The following TRAPPC13 variants were observed in gnomAD, a reference collection of about 807,000 sequenced individuals.
TRAPPC13 encodes the protein trafficking protein particle complex subunit 13, also known as REV7-interacting novel NHEJ regulator 1.
A neutral mutation model predicts 54.0 loss-of-function variants in TRAPPC13; 39 were observed. The ratio of observed to expected loss-of-function variants is 0.72; its 90% CI spans 0.56 to 0.94. The LOEUF is 0.94. Ranked by LOEUF, TRAPPC13 falls within the 40% of genes least tolerant of loss-of-function variation. TRAPPC13 has a pLI of 0.00. For missense variants in TRAPPC13, 386 were observed against 488.1 expected, an observed-to-expected ratio of 0.79 and a Z score of 1.97; for synonymous variants, 148 against 167.7, an observed-to-expected ratio of 0.88 and a Z score of 0.91.
At chr5:65,647,825 A>G (rs1415981125) in intron 5 of TRAPPC13, among the ~76,000 whole-genome samples, 1 of 151,928 alleles carries the variant, frequency 6.6e-6, no homozygotes, top group Non-Finnish European at 1.5e-5. Flanking sequence ...CTTCATCTCT[A>G]CTTTACCACT....
chr5:65,634,205 T>C lies in TRAPPC13; in HGVS notation c.47-1096T>C, dbSNP rs1174235216. 3.9e-5 allele frequency among the ~76,000 whole-genome samples: 6 copies of C among 152,220 alleles called. No individual in the cohort carries two copies. The South Asian group carries it at 6.2e-4, about 16-fold the overall frequency. On this transcript the variant is annotated intron_variant, in intron 1 of 12. Transcript: ENST00000399438. ...TTTCACCGTGTTAGCCAGGATAGTC[T>C]CAATCTCTTGACCTCGTGATCCGCC...
At chr5:65,662,179 C>A in intron 11 of TRAPPC13, 29 bp downstream of exon 11, 1 of 1,459,800 alleles carries the variant, frequency 6.9e-7, no homozygotes, top group Non-Finnish European at 9.4e-7. Context: ...GATGGATGTC[C>A]TTTCTACCTC....
In TRAPPC13 at chr5:65,664,926, C is replaced by T; in HGVS notation, c.*315C>T. The T allele has an allele frequency of 3.0e-6, 1 of 336,606 alleles. No individual in the cohort carries two copies. The highest frequency in any genetic ancestry group is 5.5e-6 in the Non-Finnish European group (1 of 183,098). The allele number at this position is 336,606 out of a possible 1,614,324, so 20.9% of individuals were successfully genotyped here. A position where few individuals can be genotyped will look rare whatever the true frequency, so the allele number is the denominator to read the frequency against. On this transcript the variant is annotated 3_prime_UTR_variant, in exon 13 of 13. Coordinates refer to ENST00000399438, the MANE Select transcript of TRAPPC13 (RefSeq NM_024941.4). Reference sequence around the variant, plus strand: ...CTAGCAAGTTATCTAGAACACGAGTCAGCACACTTTTTATGTAAGGTACAA... The same window carrying T: ...CTAGCAAGTTATCTAGAACACGAGTTAGCACACTTTTTATGTAAGGTACAA...
intron 1 of TRAPPC13, among the ~76,000 whole-genome samples, chr5:65,633,976 C>T (rs566104985): frequency 1.3e-4 from 14 of 110,218 alleles, no homozygotes; most frequent in African/African-American, 4.9e-4. Flanking sequence ...TCTCTCCCAG[C>T]GTTTTTTTTT....
chr5:65,651,872 T>G (rs1409966979), intron 6 of TRAPPC13, among the ~76,000 whole-genome samples: 1 of 63,942 alleles, frequency 1.6e-5, no homozygotes, highest in Admixed American at 1.5e-4. Flanking sequence ...TTTTTTTTTT[T>G]TTTTTTTTGA....
intron 4 of TRAPPC13, among the ~76,000 whole-genome samples, chr5:65,641,318 T>G (rs1445451602): frequency 6.6e-6 from 1 of 152,028 alleles, no homozygotes. Flanking sequence ...TTTGTGTGAG[T>G]GTTGTCTTTT....
chr5:65,653,405 C>G (rs1177259643), intron 7 of TRAPPC13, among the ~76,000 whole-genome samples: 2 of 152,000 alleles, frequency 1.3e-5, no homozygotes, highest in African/African-American at 4.8e-5. Flanking sequence ...TTATTTTTAC[C>G]ATCCACAATC....
intron 8 of TRAPPC13, among the ~76,000 whole-genome samples, chr5:65,657,042 A>G (rs938313630): frequency 1.3e-5 from 2 of 151,148 alleles, no homozygotes; most frequent in Non-Finnish European, 2.9e-5. Flanking sequence ...TTGCCACTGC[A>G]TTCTACTCTG....
intron 1 of TRAPPC13, among the ~76,000 whole-genome samples, chr5:65,634,145 C>CCAGCTAATTT (rs78714568): frequency 0.073 from 11,070 of 151,896 alleles, 408 homozygotes; most frequent in East Asian, 0.098. Context: ...GCCACCACGC[C>CCAGCTAATTT]CAGCTAATTT....
chr5:65,655,785 A>T, intron 8 of TRAPPC13, 132 bp downstream of exon 8: 1 of 297,236 alleles, frequency 3.4e-6, no homozygotes, highest in East Asian at 5.8e-5. Context: ...GTGACTTCAG[A>T]AAGATTATAT....
At chr5:65,664,027 G>GT (rs1756935127) in intron 11 of TRAPPC13, 10 of 519,162 alleles carry the variant, frequency 1.9e-5, no homozygotes, top group Non-Finnish European at 2.7e-5. Context: ...ATTAGTCTGA[G>GT]GCTATTTTAA....
At chr5:65,633,115 C>T (rs775178890) in intron 1 of TRAPPC13, among the ~76,000 whole-genome samples, 7 of 152,146 alleles carry the variant, frequency 4.6e-5, no homozygotes, top group Non-Finnish European at 7.4e-5. Context: ...AAAAAGATGA[C>T]ATTTAAGCTG....
At chr5:65,625,187 A>T (rs1477224203) in intron 1 of TRAPPC13, 81 bp downstream of exon 1, 1 of 1,207,036 alleles carries the variant, frequency 8.3e-7, no homozygotes, top group Non-Finnish European at 1.2e-6. Context: ...TGTAGGCCTC[A>T]TCCTTCTTAA....
chr5:65,649,006 AG>A (rs1396383599), intron 5 of TRAPPC13, among the ~76,000 whole-genome samples: 1 of 152,122 alleles, frequency 6.6e-6, no homozygotes, highest in Non-Finnish European at 1.5e-5. Flanking sequence ...GCTTGAGCTC[AG>A]GAGCTCAAGA....
chr5:65,637,610 G>C (rs1755798386), intron 3 of TRAPPC13, 86 bp from the exon 4 acceptor site: 1 of 687,444 alleles, frequency 1.5e-6, no homozygotes. Flanking sequence ...CAGCCTGGGT[G>C]ACAGAGCGAG....
chr5:65,639,071 G>C (rs1228700736), intron 4 of TRAPPC13, among the ~76,000 whole-genome samples: 1 of 152,122 alleles, frequency 6.6e-6, no homozygotes, highest in African/African-American at 2.4e-5. Flanking sequence ...CTGGGTGACA[G>C]AGTAATACTC....
chr5:65,637,379 C>T (rs1426597566), intron 3 of TRAPPC13, among the ~76,000 whole-genome samples: 1 of 152,142 alleles, frequency 6.6e-6, no homozygotes, highest in Non-Finnish European at 1.5e-5. Flanking sequence ...CGCCTGTAAT[C>T]CCAGCACTTT....
At chr5:65,630,168 A>G in intron 1 of TRAPPC13, 1 of 1,536,050 alleles carries the variant, frequency 6.5e-7, no homozygotes, top group East Asian at 2.4e-5. Flanking sequence ...ATTATTAGGC[A>G]CAATGAACTT....
At position 65,664,859 on chromosome 5, in the gene TRAPPC13, G is replaced by T; in HGVS notation, c.*248G>T. 4.3e-6 allele frequency: 2 copies of T among 463,468 alleles called. No individual in the cohort carries two copies. The highest frequency in any genetic ancestry group is 8.7e-5 in the East Asian group (2 of 22,868). 28.7% of individuals were successfully genotyped at this position (463,468 alleles called of 1,614,324 possible). ...TTCATTTCATTTTAGATGACCATTGGACTTTGTTCTCCAAAAGCTGTGTAT... is the reference window on the plus strand; with the variant it reads ...TTCATTTCATTTTAGATGACCATTGTACTTTGTTCTCCAAAAGCTGTGTAT... On this transcript the variant is annotated 3_prime_UTR_variant, in exon 13 of 13. Transcript: ENST00000399438.
Sources: gnomAD v4.1 joint callset for allele counts (sites outside exome capture counted in the v4.1 genomes callset) on GRCh38, gnomAD v4.1.1 for gene constraint, MANE v1.5 for transcripts, NCBI Gene and HGNC (gene_info 2026-07-23, HGNC 2026-07-21) for gene names.